Variants in ZMAT4 observed in about 807,000 individuals in gnomAD.
The protein encoded by ZMAT4 is zinc finger matrin-type protein 4.
ZMAT4 carries 17 observed loss-of-function variants against 28.7 expected under a neutral mutation model. The ratio of observed to expected loss-of-function variants is 0.59; its 90% CI spans 0.41 to 0.89. ZMAT4 has a LOEUF of 0.89. Ranked by LOEUF, ZMAT4 falls within the 40% of genes least tolerant of loss-of-function variation. The probability of loss-of-function intolerance (pLI) is 0.00; values close to 1 mark genes in which losing one functional copy is unlikely to be tolerated. For synonymous variants in ZMAT4, 117 were observed against 109.2 expected (o/e 1.07, Z -0.44); for missense variants, 240 against 283.8 (o/e 0.85, Z 1.11).
At chr8:40,757,732 T>C (rs1812755786) in intron 3 of ZMAT4, among the ~76,000 whole-genome samples, 1 of 152,180 alleles carries the variant, frequency 6.6e-6, no homozygotes. Context: ...ATGGTTAATA[T>C]TGGGTGTCAA....
chr8:40,691,045 G>T, intron 4 of ZMAT4: 3 of 435,062 alleles, frequency 6.9e-6, no homozygotes, highest in South Asian at 9.7e-5. Flanking sequence ...GTTCTATTCA[G>T]TAGACCAGCA....
intron 1 of ZMAT4, among the ~76,000 whole-genome samples, chr8:40,887,126 A>C (rs1477657906): frequency 9.9e-5 from 14 of 141,626 alleles, no homozygotes; most frequent in African/African-American, 1.6e-4. Context: ...AGTGGAGATC[A>C]TGCCACTGCA....
At chr8:40,569,220 A>G (rs1563344327) in intron 6 of ZMAT4, among the ~76,000 whole-genome samples, 1 of 152,178 alleles carries the variant, frequency 6.6e-6, no homozygotes, top group East Asian at 1.9e-4. Flanking sequence ...ACAATCAAGG[A>G]CATGTCCATT....
intron 1 of ZMAT4, among the ~76,000 whole-genome samples, chr8:40,848,715 G>T (rs553326877): frequency 6.6e-6 from 1 of 152,228 alleles, no homozygotes; most frequent in East Asian, 1.9e-4. Context: ...GGTTCTTGGT[G>T]CATAGTAGGA....
chr8:40,655,059 T>TACACAAACAC (rs1554534102), intron 5 of ZMAT4, among the ~76,000 whole-genome samples: 1 of 148,792 alleles, frequency 6.7e-6, no homozygotes, highest in Non-Finnish European at 1.5e-5. Flanking sequence ...AAGGAATACC[T>TACACAAACAC]ACACACACAC....
intron 3 of ZMAT4, among the ~76,000 whole-genome samples, chr8:40,716,671 G>A (rs567787890): frequency 5.3e-5 from 8 of 152,222 alleles, no homozygotes; most frequent in Non-Finnish European, 8.8e-5. Context: ...CAGCCTGGGC[G>A]ACAGAACGAG....
At chr8:40,855,141 G>A (rs1215603917) in intron 1 of ZMAT4, among the ~76,000 whole-genome samples, 1 of 152,156 alleles carries the variant, frequency 6.6e-6, no homozygotes, top group Non-Finnish European at 1.5e-5. Context: ...AATGACACTA[G>A]ACTTCAAAAA....
intron 3 of ZMAT4, among the ~76,000 whole-genome samples, chr8:40,727,238 G>A (rs1298727467): frequency 6.6e-6 from 1 of 152,108 alleles, no homozygotes; most frequent in Non-Finnish European, 1.5e-5. Context: ...TCCTGTGATG[G>A]CTGCCAGAGT....
intron 3 of ZMAT4, among the ~76,000 whole-genome samples, chr8:40,701,838 T>C (rs1336089360): frequency 6.6e-6 from 1 of 152,140 alleles, no homozygotes; most frequent in Non-Finnish European, 1.5e-5. Context: ...GAGTTTTAAC[T>C]GCATATTCTT....
Position 40,697,094 on chromosome 8 carries a change from T to A in ZMAT4, c.349+151A>T, listed in dbSNP as rs978882832. 3.6e-5 allele frequency: 31 copies of A among 864,362 alleles called. No homozygotes were observed. The Admixed American group carries it at 7.5e-4, about 21-fold the overall frequency. The allele number at this position is 864,362 out of a possible 1,614,324, so 53.5% of individuals were successfully genotyped here. The stretch of plus-strand genomic sequence containing the variant: ...GGGGTCTTAGGACAGCCAGGTCTGC[T>A]GAGGTCAGCCACTCATCCCTTTAGG... On this transcript the variant is annotated intron_variant, in intron 4 of 6. Coordinates refer to ENST00000297737, the MANE Select transcript of ZMAT4 (RefSeq NM_024645.3).
intron 5 of ZMAT4, among the ~76,000 whole-genome samples, chr8:40,587,135 A>C (rs1359923121): frequency 6.6e-6 from 1 of 152,068 alleles, no homozygotes; most frequent in African/African-American, 2.4e-5. Flanking sequence ...AAGGAAAAAC[A>C]AACAGAAAAC....
intron 5 of ZMAT4, among the ~76,000 whole-genome samples, chr8:40,582,718 C>T (rs1804531885): frequency 6.6e-6 from 1 of 152,166 alleles, no homozygotes; most frequent in African/African-American, 2.4e-5. Context: ...AATTATTTGA[C>T]CCTTCTGGAC....
intron 5 of ZMAT4, among the ~76,000 whole-genome samples, chr8:40,606,641 T>C (rs1805589103): frequency 6.6e-6 from 1 of 152,266 alleles, no homozygotes; most frequent in Non-Finnish European, 1.5e-5. Flanking sequence ...TTAGATAACC[T>C]GATGACTATG....
chr8:40,638,335 C>A (rs942719361), intron 5 of ZMAT4, among the ~76,000 whole-genome samples: 1 of 152,158 alleles, frequency 6.6e-6, no homozygotes, highest in Non-Finnish European at 1.5e-5. Context: ...AAAATATATG[C>A]AATTATGATT....
intron 1 of ZMAT4, among the ~76,000 whole-genome samples, chr8:40,851,844 C>A (rs995655954): frequency 1.3e-5 from 2 of 152,170 alleles, no homozygotes; most frequent in South Asian, 2.1e-4. Context: ...TCCTATAGAA[C>A]ACCCTATAGA....
intron 1 of ZMAT4, among the ~76,000 whole-genome samples, chr8:40,860,196 C>T (rs1817440826): frequency 6.6e-6 from 1 of 151,994 alleles, no homozygotes; most frequent in Non-Finnish European, 1.5e-5. Flanking sequence ...AGATATCTCC[C>T]AATTAAAAAG....
chr8:40,803,723 G>A (rs7846037), intron 2 of ZMAT4, among the ~76,000 whole-genome samples: 86,282 of 151,922 alleles, frequency 0.57, 24,743 homozygotes, highest in East Asian at 0.66. Context: ...AATCACACTC[G>A]TTGGTATATA....
chr8:40,807,128 G>C (rs1815115141), intron 2 of ZMAT4, among the ~76,000 whole-genome samples: 1 of 131,946 alleles, frequency 7.6e-6, no homozygotes, highest in African/African-American at 2.8e-5. Context: ...GGGAGGTAGT[G>C]GGGTGAGGAC....
At chr8:40,685,438 C>T (rs1809359097) in intron 4 of ZMAT4, among the ~76,000 whole-genome samples, 1 of 152,156 alleles carries the variant, frequency 6.6e-6, no homozygotes, top group Non-Finnish European at 1.5e-5. Context: ...TAAGCAAATT[C>T]AGTCCCTAGG....
Sources: allele counts gnomAD v4.1 joint callset (sites outside exome capture counted in the v4.1 genomes callset), GRCh38; gene constraint gnomAD v4.1.1; transcripts MANE v1.5; gene names NCBI Gene and HGNC (gene_info 2026-07-23, HGNC 2026-07-21).